Variants in CNTNAP2 observed in about 807,000 individuals in gnomAD.
CNTNAP2 encodes the protein contactin associated protein 2, also known as contactin-associated protein-like 2.
In CNTNAP2, 98 loss-of-function variants were observed where a neutral mutation model predicts 155.2. The ratio of observed to expected loss-of-function variants is 0.63; its 90% CI spans 0.54 to 0.75. The LOEUF (loss-of-function observed/expected upper bound fraction) is 0.75. Among genes scored for constraint, CNTNAP2 ranks in the 30% least tolerant of loss-of-function variants. The pLI, the probability that CNTNAP2 is intolerant of heterozygous loss-of-function variation, is 0.00. For synonymous variants in CNTNAP2, 651 were observed against 631.2 expected, an observed-to-expected ratio of 1.03 and a Z score of -0.47; for missense variants, 1,727 against 1,688.1, an observed-to-expected ratio of 1.02 and a Z score of -0.40.
At chr7:146,348,000 T>G (rs923721071) in intron 1 of CNTNAP2, among the ~76,000 whole-genome samples, 5 of 152,196 alleles carry the variant, frequency 3.3e-5, no homozygotes, top group Admixed American at 3.3e-4. Flanking sequence ...CCTGCGAGAC[T>G]AAACAAAAAT....
At chr7:147,808,934 A>C (rs1014284827) in intron 13 of CNTNAP2, among the ~76,000 whole-genome samples, 1 of 152,200 alleles carries the variant, frequency 6.6e-6, no homozygotes, top group Non-Finnish European at 1.5e-5. Context: ...TAAATTTTCT[A>C]AAGCACCAAG....
intron 10 of CNTNAP2, among the ~76,000 whole-genome samples, chr7:147,399,077 C>G (rs1409233228): frequency 6.6e-6 from 1 of 151,900 alleles, no homozygotes; most frequent in Non-Finnish European, 1.5e-5. Context: ...ACATTTGACC[C>G]AGAGAGCACA....
intron 13 of CNTNAP2, among the ~76,000 whole-genome samples, chr7:147,784,833 G>C (rs951267334): frequency 6.6e-6 from 1 of 151,722 alleles, no homozygotes; most frequent in Non-Finnish European, 1.5e-5. Context: ...CAGTGGTGGT[G>C]GTGGTTGTTG....
intron 13 of CNTNAP2, among the ~76,000 whole-genome samples, chr7:147,699,450 T>G (rs1796205877): frequency 6.6e-6 from 1 of 151,478 alleles, no homozygotes; most frequent in Non-Finnish European, 1.5e-5. Flanking sequence ...GGGCCTGTCG[T>G]GGGGTGGGGG....
chr7:147,370,686 C>G (rs1313686454), intron 9 of CNTNAP2, among the ~76,000 whole-genome samples: 1 of 152,072 alleles, frequency 6.6e-6, no homozygotes, highest in Non-Finnish European at 1.5e-5. Context: ...CATAATAACC[C>G]TTAATCCTTA....
rs1230889631 is a variant in CNTNAP2, at chr7:146,308,220, T to A, written c.97+191247T>A. On this transcript the variant is annotated intron_variant, in intron 1 of 23. Coordinates refer to ENST00000361727, the MANE Select transcript of CNTNAP2 (RefSeq NM_014141.6). ...GACATTTATGCAGCCAACAGACACATGAAAAAATGCTCATCATCACTGGCC... is the reference window on the plus strand; with the variant it reads ...GACATTTATGCAGCCAACAGACACAAGAAAAAATGCTCATCATCACTGGCC... Among the ~76,000 whole-genome samples, 3 of 128,192 alleles carry A rather than the reference T, an allele frequency of 2.3e-5. No individual in the cohort carries two copies. The East Asian group carries it at 6.4e-4, about 27-fold the overall frequency. The allele number at this position is 128,192 out of a possible 152,430, so 84.1% of individuals were successfully genotyped here. A position where few individuals can be genotyped will look rare whatever the true frequency, so the allele number is the denominator to read the frequency against.
intron 2 of CNTNAP2, among the ~76,000 whole-genome samples, chr7:146,800,177 A>C (rs1470443699): frequency 6.6e-6 from 1 of 152,156 alleles, no homozygotes; most frequent in Non-Finnish European, 1.5e-5. Flanking sequence ...AACACTAGCT[A>C]TTCAAACAGA....
intron 1 of CNTNAP2, among the ~76,000 whole-genome samples, chr7:146,515,444 A>G (rs906681787): frequency 5.3e-5 from 8 of 152,010 alleles, no homozygotes; most frequent in Admixed American, 2.0e-4. Flanking sequence ...TTGTGGCCCT[A>G]TGGATTTTCA....
At chr7:146,609,854 G>C (rs1799105743) in intron 1 of CNTNAP2, among the ~76,000 whole-genome samples, 1 of 152,062 alleles carries the variant, frequency 6.6e-6, no homozygotes, top group South Asian at 2.1e-4. Context: ...GATTTCTTAG[G>C]TCTAACTCCA....
intron 1 of CNTNAP2, among the ~76,000 whole-genome samples, chr7:146,120,899 T>G (rs1476060765): frequency 6.6e-6 from 1 of 152,114 alleles, no homozygotes; most frequent in African/African-American, 2.4e-5. Flanking sequence ...GAGTGTGTAC[T>G]CTATGATGTT....
intron 15 of CNTNAP2, among the ~76,000 whole-genome samples, chr7:147,997,421 G>A (rs1563162016): frequency 6.6e-6 from 1 of 152,084 alleles, no homozygotes; most frequent in Non-Finnish European, 1.5e-5. Flanking sequence ...GCTGGGCGTG[G>A]TGGCACATGC....
In CNTNAP2 at chr7:146,788,724, G is replaced by T. The variant is rs141571985; in HGVS notation, c.208+14343G>T. 1.2e-4 allele frequency among the ~76,000 whole-genome samples: 18 copies of T among 152,160 alleles called. No individual in the cohort carries two copies. The East Asian group carries it at 3.1e-3, about 26-fold the overall frequency. On this transcript the variant is annotated intron_variant, in intron 2 of 23. Transcript: ENST00000361727. The stretch of plus-strand genomic sequence containing the variant: ...TCTTAAACAGCATTAACATGTTTAA[G>T]CTTCCTGTCCTTTGGTAGTGACTTA...
intron 1 of CNTNAP2, among the ~76,000 whole-genome samples, chr7:146,274,066 A>G (rs527969814): frequency 3.3e-5 from 5 of 152,306 alleles, no homozygotes; most frequent in African/African-American, 1.2e-4. Context: ...TAATATATGC[A>G]AAGTGCTTGG....
At chr7:148,296,718 C>G (rs567170752) in intron 21 of CNTNAP2, among the ~76,000 whole-genome samples, 2 of 152,028 alleles carry the variant, frequency 1.3e-5, no homozygotes, top group African/African-American at 2.4e-5. Context: ...CGATGGTGCC[C>G]GTGCAGCCTA....
chr7:147,236,008 G>A (rs1803796030), intron 8 of CNTNAP2, among the ~76,000 whole-genome samples: 1 of 152,088 alleles, frequency 6.6e-6, no homozygotes, highest in Non-Finnish European at 1.5e-5. Flanking sequence ...GACATAATTT[G>A]ACTCTCTTTT....
chr7:146,222,905 C>T (rs3883978), intron 1 of CNTNAP2, among the ~76,000 whole-genome samples: 12 of 151,904 alleles, frequency 7.9e-5, no homozygotes, highest in African/African-American at 1.9e-4. Context: ...ATGATCCGCC[C>T]GCCTCGGCCT....
intron 9 of CNTNAP2, among the ~76,000 whole-genome samples, chr7:147,304,415 C>T (rs928689303): frequency 1.3e-5 from 2 of 152,144 alleles, no homozygotes; most frequent in Non-Finnish European, 2.9e-5. Context: ...TGGTAATAAG[C>T]TTTCTGATAC....
intron 3 of CNTNAP2, among the ~76,000 whole-genome samples, chr7:146,937,402 G>A (rs559056354): frequency 1.3e-4 from 20 of 150,024 alleles, no homozygotes; most frequent in Non-Finnish European, 2.1e-4. Context: ...AGCGAAAACC[G>A]ACTGTTAATA....
chr7:146,736,122 A>G (rs966977492), intron 1 of CNTNAP2, among the ~76,000 whole-genome samples: 2 of 152,160 alleles, frequency 1.3e-5, no homozygotes, highest in Admixed American at 1.3e-4. Context: ...TGGCATGTAT[A>G]TTGTATTAGT....
Sources: allele counts gnomAD v4.1 joint callset (sites outside exome capture counted in the v4.1 genomes callset), GRCh38; gene constraint gnomAD v4.1.1; transcripts MANE v1.5; gene names NCBI Gene and HGNC (gene_info 2026-07-23, HGNC 2026-07-21).